Variants in NOX4 observed in about 807,000 individuals in gnomAD.
NOX4 encodes kidney oxidase-1.
Under a neutral mutation model 87.6 loss-of-function variants are expected in NOX4, and 69 were observed. The observed-to-expected ratio is 0.79, with a 90% CI of 0.65 to 0.96. NOX4 has a LOEUF of 0.96. Among genes scored for constraint, NOX4 ranks in the 40% least tolerant of loss-of-function variants. NOX4 has a pLI of 0.00. For missense variants in NOX4, 680 were observed against 681.5 expected (o/e 1.00, Z 0.02); for synonymous variants, 275 against 238.2 (o/e 1.15, Z -1.42).
At chr11:89,371,057 C>T (rs1326667914) in intron 12 of NOX4, among the ~76,000 whole-genome samples, 1 of 151,904 alleles carries the variant, frequency 6.6e-6, no homozygotes, top group Non-Finnish European at 1.5e-5. Flanking sequence ...TTTCCTATAC[C>T]TACTGCTCTT....
intron 7 of NOX4, among the ~76,000 whole-genome samples, chr11:89,428,244 G>A (rs547171540): frequency 1.1e-4 from 17 of 152,132 alleles, no homozygotes; most frequent in African/African-American, 3.1e-4. Flanking sequence ...AGGAACAACC[G>A]GTACCAGCCA....
At chr11:89,436,530 T>C (rs1944087656) in intron 6 of NOX4, among the ~76,000 whole-genome samples, 1 of 152,192 alleles carries the variant, frequency 6.6e-6, no homozygotes, top group Non-Finnish European at 1.5e-5. Flanking sequence ...TTTATTCTTA[T>C]GGCTTTATAT....
the NOX4 span, among the ~76,000 whole-genome samples, chr11:89,589,044 G>T: frequency 6.6e-6 from 1 of 152,124 alleles, no homozygotes; most frequent in Non-Finnish European, 1.5e-5. Context: ...ATTAGCCTAA[G>T]TTTGTACCTG....
chr11:89,394,372 T>C (rs1402184955), intron 11 of NOX4, among the ~76,000 whole-genome samples: 4 of 152,134 alleles, frequency 2.6e-5, no homozygotes, highest in Admixed American at 2.0e-4. Flanking sequence ...AAAAAAACTC[T>C]TGCTGCTCTG....
chr11:89,426,972 C>T (rs1319742018), intron 7 of NOX4, among the ~76,000 whole-genome samples: 2 of 152,170 alleles, frequency 1.3e-5, no homozygotes, highest in African/African-American at 2.4e-5. Flanking sequence ...AGGCACTCCC[C>T]AGTAGGGGCA....
intron 2 of NOX4, among the ~76,000 whole-genome samples, chr11:89,483,900 C>A (rs1170179451): frequency 6.6e-6 from 1 of 151,992 alleles, no homozygotes; most frequent in Non-Finnish European, 1.5e-5. Context: ...TTTTATAAAA[C>A]AAGAATACAA....
At chr11:89,501,647 C>G (rs531146128), upstream of NOX4, among the ~76,000 whole-genome samples, 1 of 152,164 alleles carries the variant, frequency 6.6e-6, no homozygotes, top group African/African-American at 2.4e-5. Context: ...AATCCTCTGT[C>G]CTTCCAAGCC....
intron 6 of NOX4, 66 bp downstream of exon 6, chr11:89,440,622 G>C: frequency 8.7e-7 from 1 of 1,151,896 alleles, no homozygotes; most frequent in East Asian, 2.6e-5. Flanking sequence ...ACTGCGCCCA[G>C]TCCGATAATG....
the NOX4 span, among the ~76,000 whole-genome samples, chr11:89,522,490 CTG>C: frequency 1.1e-3 from 168 of 152,204 alleles, no homozygotes; most frequent in African/African-American, 3.9e-3. Flanking sequence ...GCAGTAGAAA[CTG>C]GGGTTTACTG....
chr11:89,333,392 A>G (rs1002625229), intron 17 of NOX4, among the ~76,000 whole-genome samples: 1 of 151,856 alleles, frequency 6.6e-6, no homozygotes, highest in Non-Finnish European at 1.5e-5. Flanking sequence ...ACACACACAT[A>G]CAAACATATG....
intron 13 of NOX4, among the ~76,000 whole-genome samples, chr11:89,342,456 C>T (rs1374743409): frequency 6.6e-6 from 1 of 152,040 alleles, no homozygotes; most frequent in African/African-American, 2.4e-5. Flanking sequence ...TAAATATGAT[C>T]ATGCCAGGTA....
At chr11:89,463,035 G>A (rs1397072816) in intron 2 of NOX4, among the ~76,000 whole-genome samples, 1 of 151,718 alleles carries the variant, frequency 6.6e-6, no homozygotes, top group Non-Finnish European at 1.5e-5. Flanking sequence ...TATATCATAA[G>A]TAATTTGTAT....
chr11:89,530,389 C>G, the NOX4 span, among the ~76,000 whole-genome samples: 1 of 144,712 alleles, frequency 6.9e-6, no homozygotes, highest in South Asian at 2.2e-4. Context: ...ATCACCTAGG[C>G]TGGAGTGCAA....
At chr11:89,358,934 A>G (rs903066053) in intron 12 of NOX4, among the ~76,000 whole-genome samples, 3 of 144,018 alleles carry the variant, frequency 2.1e-5, no homozygotes, top group African/African-American at 7.5e-5. Flanking sequence ...AAGCCACTGG[A>G]AAAAAAAAAA....
intron 2 of NOX4, among the ~76,000 whole-genome samples, chr11:89,469,428 A>C (rs2135438135): frequency 6.6e-6 from 1 of 152,320 alleles, no homozygotes; most frequent in Non-Finnish European, 1.5e-5. Flanking sequence ...AAAAATATGT[A>C]AATTTGTGCT....
chr11:89,461,172 C>T (rs1206960906), intron 2 of NOX4, among the ~76,000 whole-genome samples: 1 of 151,644 alleles, frequency 6.6e-6, no homozygotes, highest in Admixed American at 6.6e-5. Context: ...GTGGGGGGAG[C>T]CGGGAGGGAT....
chr11:89,532,993 G>C, the NOX4 span, among the ~76,000 whole-genome samples: 1 of 152,154 alleles, frequency 6.6e-6, no homozygotes, highest in Admixed American at 6.5e-5. Flanking sequence ...GGATCAGTGA[G>C]TCAATTAAAC....
chr11:89,490,779 T>C (rs1368330697), intron 1 of NOX4: 1 of 694,882 alleles, frequency 1.4e-6, no homozygotes, highest in South Asian at 1.5e-5. Context: ...GGGTTGCAAA[T>C]AGGTTTCCTA....
At chr11:89,396,489 C>G (rs1188618543) in intron 11 of NOX4, among the ~76,000 whole-genome samples, 3 of 151,718 alleles carry the variant, frequency 2.0e-5, no homozygotes, top group African/African-American at 7.3e-5. Context: ...AACTGAATAC[C>G]CTTTAAGTGC....
Sources: gnomAD v4.1 joint callset for allele counts (sites outside exome capture counted in the v4.1 genomes callset) on GRCh38, gnomAD v4.1.1 for gene constraint, MANE v1.5 for transcripts, NCBI Gene and HGNC (gene_info 2026-07-23, HGNC 2026-07-21) for gene names.